The following OSBPL1A variants were observed in gnomAD, a reference collection of about 807,000 sequenced individuals.
OSBPL1A encodes the protein oxysterol binding protein like 1A, also known as oxysterol-binding protein-related protein 1.
Under a neutral mutation model 137.1 loss-of-function variants are expected in OSBPL1A, and 80 were observed. The ratio of observed to expected loss-of-function variants is 0.58; its 90% confidence interval spans 0.49 to 0.70. The LOEUF is 0.70. Among genes scored for constraint, OSBPL1A ranks in the 30% least tolerant of loss-of-function variants. The probability of loss-of-function intolerance (pLI) is 0.00; values close to 1 mark genes in which losing one functional copy is unlikely to be tolerated. For synonymous variants in OSBPL1A, 365 were observed against 389.7 expected (o/e 0.94, Z 0.75); for missense variants, 970 against 1,129.4 (o/e 0.86, Z 2.02).
At chr18:24,239,433 G>A in intron 15 of OSBPL1A, 51 bp from the exon 16 acceptor site, 1 of 1,498,930 alleles carries the variant, frequency 6.7e-7, no homozygotes, top group Non-Finnish European at 9.2e-7. Context: ...AGGAGACACA[G>A]ACGTACTCAG....
intron 4 of OSBPL1A, among the ~76,000 whole-genome samples, chr18:24,351,763 C>T (rs551092041): frequency 6.6e-6 from 1 of 152,304 alleles, no homozygotes; most frequent in South Asian, 2.1e-4. Flanking sequence ...TGGTCTGGAA[C>T]TCCTGACCTC....
chr18:24,362,324 G>T (rs1219734760), intron 4 of OSBPL1A, among the ~76,000 whole-genome samples: 2 of 152,042 alleles, frequency 1.3e-5, no homozygotes, highest in African/African-American at 4.8e-5. Flanking sequence ...ACAAAGTCAA[G>T]CATAGAAATT....
At chr18:24,177,922 G>C in intron 21 of OSBPL1A, 91 bp downstream of exon 21, 1 of 1,280,674 alleles carries the variant, frequency 7.8e-7, no homozygotes, top group Non-Finnish European at 1.1e-6. Context: ...TTTTTCTCCA[G>C]CTTTTGAACA....
chr18:24,286,677 G>A (rs902073146), intron 14 of OSBPL1A, among the ~76,000 whole-genome samples: 1 of 152,166 alleles, frequency 6.6e-6, no homozygotes, highest in African/African-American at 2.4e-5. Flanking sequence ...AAAGAACAAG[G>A]AACATTTTTG....
chr18:24,225,189 G>A lies in OSBPL1A; in HGVS notation c.1454C>T (p.Ser485Phe). Residue 485 changes from serine to phenylalanine, a missense_variant, in exon 17 of 28, where the codon TCC becomes TTC. By Grantham distance (155) the Ser-to-Phe change is radical. Coordinates refer to ENST00000319481, the MANE Select transcript of OSBPL1A (RefSeq NM_080597.4). ...EFYDALSDSESERSLSRLEAV... is the reference protein window; with the variant it reads ...EFYDALSDSEFERSLSRLEAV... ...TTCCAATCTACTCAGGGACCTTTCG[G>A]ACTCGGAATCTGTGGCAGAGCAGGT... The A allele has an allele frequency of 6.2e-7, 1 of 1,614,016 alleles. No homozygotes were observed. The highest frequency in any genetic ancestry group is 8.5e-7 in the Non-Finnish European group (1 of 1,179,946).
At chr18:24,352,843 T>G (rs1599704062) in intron 4 of OSBPL1A, among the ~76,000 whole-genome samples, 1 of 152,246 alleles carries the variant, frequency 6.6e-6, no homozygotes, top group Non-Finnish European at 1.5e-5. Context: ...TAAATGGTGC[T>G]GGGAAAACTG....
At chr18:24,234,282 T>G (rs1042218097) in intron 16 of OSBPL1A, among the ~76,000 whole-genome samples, 4 of 152,216 alleles carry the variant, frequency 2.6e-5, no homozygotes, top group Admixed American at 6.5e-5. Context: ...AAGTGTTCCC[T>G]TACAGCTATA....
At chr18:24,184,702 T>C (rs991819521) in intron 18 of OSBPL1A, among the ~76,000 whole-genome samples, 1 of 152,170 alleles carries the variant, frequency 6.6e-6, no homozygotes, top group African/African-American at 2.4e-5. Flanking sequence ...CACTATCTTA[T>C]ACCCCATCTA....
intron 5 of OSBPL1A, among the ~76,000 whole-genome samples, chr18:24,336,499 T>G (rs948606292): frequency 6.6e-5 from 10 of 152,224 alleles, no homozygotes; most frequent in Non-Finnish European, 1.0e-4. Flanking sequence ...ATATGGATGC[T>G]GTTTACAGAG....
At chr18:24,267,525 A>G (rs1448276933) in intron 15 of OSBPL1A, among the ~76,000 whole-genome samples, 2 of 152,182 alleles carry the variant, frequency 1.3e-5, no homozygotes, top group Admixed American at 1.3e-4. Flanking sequence ...ACTAAAATAG[A>G]TACTAAAATC....
chr18:24,375,095 G>A (rs939476940), intron 2 of OSBPL1A, among the ~76,000 whole-genome samples: 2 of 151,916 alleles, frequency 1.3e-5, no homozygotes, highest in Non-Finnish European at 2.9e-5. Flanking sequence ...TGAGAGGATC[G>A]CTTGAGACCA....
At chr18:24,380,396 T>A (rs561559778) in intron 1 of OSBPL1A, among the ~76,000 whole-genome samples, 1 of 152,356 alleles carries the variant, frequency 6.6e-6, no homozygotes, top group South Asian at 2.1e-4. Context: ...TTGGTTTATC[T>A]GGCCCACACG....
At chr18:24,209,864 G>T (rs2087481371) in intron 17 of OSBPL1A, among the ~76,000 whole-genome samples, 1 of 152,202 alleles carries the variant, frequency 6.6e-6, no homozygotes, top group South Asian at 2.1e-4. Flanking sequence ...TGTCTACGGA[G>T]AGTGGGGGAT....
chr18:24,335,101 G>A lies in OSBPL1A; in HGVS notation c.395-771C>T, dbSNP rs544238644. Among the ~76,000 whole-genome samples, 3 of 152,246 alleles carry A rather than the reference G, an allele frequency of 2.0e-5. No individual in the cohort carries two copies. In the South Asian group the frequency reaches 6.2e-4, roughly 32 times the overall value. On this transcript the variant is annotated intron_variant, in intron 5 of 27. Transcript: ENST00000319481. ...GATGGGGGTCTTACTGTGTTGCCCAGGCTGGTCTCAAACTCCTGGCCTGAA... is the reference window on the plus strand; with the variant it reads ...GATGGGGGTCTTACTGTGTTGCCCAAGCTGGTCTCAAACTCCTGGCCTGAA...
intron 1 of OSBPL1A, among the ~76,000 whole-genome samples, chr18:24,384,182 T>C (rs555174290): frequency 4.6e-5 from 7 of 152,324 alleles, no homozygotes; most frequent in Admixed American, 3.9e-4. Flanking sequence ...TTAACCAATA[T>C]ATGGGATAGA....
At chr18:24,342,214 A>G (rs1448630402) in intron 4 of OSBPL1A, among the ~76,000 whole-genome samples, 1 of 152,218 alleles carries the variant, frequency 6.6e-6, no homozygotes, top group Non-Finnish European at 1.5e-5. Context: ...CCTGGAGTCA[A>G]TATTCAACAA....
rs1378662137 is a variant in OSBPL1A, at chr18:24,332,948, TG to T, written c.618del (p.Asn206LysfsTer16). On this transcript the variant is annotated frameshift_variant, in exon 7 of 28. Transcript: ENST00000319481. LOFTEE classifies it high-confidence loss of function. ...TTTTCACCAATATGCTTACCATTTT[TG>T]TTCTTCAGATTAGGGTCTGCTCCAC... Reference protein sequence around the residue: ...LRSGADPNLKNKNDQKPLDLA... With the variant: ...LRSGADPNLKXKNDQKPLDLA... 1.2e-6 allele frequency: 2 copies of T among 1,613,712 alleles called. No individual in the cohort carries two copies. Among genetic ancestry groups the T allele is most frequent in the East Asian group, 4.5e-5 (2 of 44,892 alleles).
At chr18:24,257,087 A>T (rs946071165) in intron 15 of OSBPL1A, among the ~76,000 whole-genome samples, 3 of 152,090 alleles carry the variant, frequency 2.0e-5, no homozygotes, top group Non-Finnish European at 4.4e-5. Flanking sequence ...TATCCCTATC[A>T]AAATGCCAGT....
At chr18:24,270,048 A>G (rs2089680559) in intron 15 of OSBPL1A, among the ~76,000 whole-genome samples, 1 of 152,232 alleles carries the variant, frequency 6.6e-6, no homozygotes, top group Non-Finnish European at 1.5e-5. Flanking sequence ...TATAAAATAA[A>G]CTGAAAATTT....
Sources: gnomAD v4.1 joint callset for allele counts (sites outside exome capture counted in the v4.1 genomes callset) on GRCh38, gnomAD v4.1.1 for gene constraint, MANE v1.5 for transcripts, NCBI Gene and HGNC (gene_info 2026-07-23, HGNC 2026-07-21) for gene names.